Variants in DENND4A observed in about 807,000 individuals in gnomAD.
The protein encoded by DENND4A is DENN domain containing 4A, also known as C-myc promoter-binding protein.
In DENND4A, 70 loss-of-function variants were observed where a neutral mutation model predicts 199.3. The ratio of observed to expected loss-of-function variants is 0.35; its 90% CI spans 0.29 to 0.43. The LOEUF (loss-of-function observed/expected upper bound fraction) is 0.43. Among genes scored for constraint, DENND4A ranks in the 20% least tolerant of loss-of-function variants. The pLI is 1.00. For missense variants in DENND4A, 1,723 were observed against 2,255.8 expected, an observed-to-expected ratio of 0.76 and a Z score of 4.78; for synonymous variants, 686 against 766.9, an observed-to-expected ratio of 0.89 and a Z score of 1.74.
intron 3 of DENND4A, among the ~76,000 whole-genome samples, chr15:65,754,797 T>G (rs1278575281): frequency 6.6e-6 from 1 of 152,232 alleles, no homozygotes; most frequent in Non-Finnish European, 1.5e-5. Flanking sequence ...GGAACCCTCA[T>G]GTACCGCAAG....
chr15:65,702,099 CA>C (rs980164359), intron 17 of DENND4A, among the ~76,000 whole-genome samples: 20 of 152,056 alleles, frequency 1.3e-4, no homozygotes, highest in East Asian at 1.9e-4. Context: ...TCTGTCTCTA[CA>C]AAAAAATTAA....
intron 4 of DENND4A, among the ~76,000 whole-genome samples, chr15:65,750,556 T>C (rs1205999264): frequency 1.3e-5 from 2 of 152,194 alleles, no homozygotes; most frequent in Admixed American, 1.3e-4. Flanking sequence ...TTATTATATA[T>C]ACCCCACATA....
At chr15:65,684,073 G>T (rs2076671047) in intron 23 of DENND4A, among the ~76,000 whole-genome samples, 1 of 152,164 alleles carries the variant, frequency 6.6e-6, no homozygotes, top group African/African-American at 2.4e-5. Flanking sequence ...TCGTTCTTTT[G>T]TATTGCTCAA....
At position 65,715,370 on chromosome 15, in the gene DENND4A, G is replaced by T. The variant is rs2075367243; in HGVS notation, c.1953+108C>A. The T allele has an allele frequency of 2.7e-6, 3 of 1,126,298 alleles. No individual in the cohort carries two copies. The South Asian group carries it at 5.9e-5, about 22-fold the overall frequency. The allele number at this position is 1,126,298 out of a possible 1,614,324, so 69.8% of individuals were successfully genotyped here. Reference sequence around the variant, plus strand: ...CATTTAAGTGGTCAACGATGAAAATGAAATTAATTTCAATTTCATTAAAAG... The same window carrying T: ...CATTTAAGTGGTCAACGATGAAAATTAAATTAATTTCAATTTCATTAAAAG... On this transcript the variant is annotated intron_variant, in intron 14 of 32. Coordinates refer to ENST00000443035, the MANE Select transcript of DENND4A (RefSeq NM_001320835.1).
rs1466999474 is a variant in DENND4A at position 65,669,837 on chromosome 15, A to C, written c.4729T>G (p.Ser1577Ala). ...GCAGATGTGTCAAGACCAGAGGCTGATGTTGAAATGCAAGACTGCCTCGTC... is the reference window on the plus strand; with the variant it reads ...GCAGATGTGTCAAGACCAGAGGCTGCTGTTGAAATGCAAGACTGCCTCGTC... ...SQTRQSCIST[S>A]ASGLDTSALS... Residue 1577 changes from serine (S) to alanine (A), a missense_variant, in exon 27 of 33, where the codon TCA becomes GCA. By Grantham distance (99) the Ser-to-Ala change is moderately conservative (BLOSUM62 1). Transcript: ENST00000443035. The C allele has an allele frequency of 4.3e-6, 7 of 1,613,686 alleles. No individual in the cohort carries two copies. Among genetic ancestry groups the C allele is most frequent in the Non-Finnish European group, 5.9e-6 (7 of 1,179,724 alleles).
At chr15:65,789,239 T>G (rs1596724177) in intron 1 of DENND4A, among the ~76,000 whole-genome samples, 1 of 152,120 alleles carries the variant, frequency 6.6e-6, no homozygotes, top group African/African-American at 2.4e-5. Context: ...CAGGTTGGAG[T>G]GCAGTGGCAC....
At position 65,660,301 on chromosome 15, in the gene DENND4A, C is replaced by A; in HGVS notation, c.*1550G>T. The A allele has an allele frequency of 6.5e-7, 1 of 1,535,288 alleles. No individual in the cohort carries two copies. The highest frequency in any genetic ancestry group is 8.7e-7 in the Non-Finnish European group (1 of 1,146,546). ...CAGAGTTGGAAGCTGTGAAATGTTT[C>A]AGCATGGTGCTATTCACTAATGGTG... On this transcript the variant is annotated 3_prime_UTR_variant, in exon 33 of 33. Transcript: ENST00000443035.
intron 4 of DENND4A, among the ~76,000 whole-genome samples, chr15:65,748,621 CT>C (rs1217335173): frequency 1.6e-5 from 2 of 128,508 alleles, no homozygotes; most frequent in East Asian, 9.2e-4. Context: ...GATCCTGTCT[CT>C]AAAAAAAAAA....
chr15:65,780,895 A>G (rs2140963748), intron 1 of DENND4A, among the ~76,000 whole-genome samples: 1 of 152,320 alleles, frequency 6.6e-6, no homozygotes, highest in East Asian at 1.9e-4. Flanking sequence ...CTGCTTCTCC[A>G]ATACTATAGT....
chr15:65,689,034 A>C (rs2076885971), intron 23 of DENND4A, among the ~76,000 whole-genome samples: 1 of 152,206 alleles, frequency 6.6e-6, no homozygotes, highest in South Asian at 2.1e-4. Flanking sequence ...AGCACTTTAA[A>C]GATATCTTTC....
At chr15:65,680,844 AC>A (rs2076549246) in intron 23 of DENND4A, 1 of 152,236 alleles carries the variant, frequency 6.6e-6, no homozygotes, top group Admixed American at 6.5e-5. Flanking sequence ...TAAAAAATGC[AC>A]ATAAATTTTA....
At chr15:65,665,161 C>G (rs1425062825) in intron 30 of DENND4A, 184 bp downstream of exon 30, 3 of 502,736 alleles carry the variant, frequency 6.0e-6, no homozygotes, top group African/African-American at 2.0e-5. Flanking sequence ...ACCCTTAGAC[C>G]TCCATAGAAG....
intron 23 of DENND4A, among the ~76,000 whole-genome samples, chr15:65,685,918 G>A (rs1435521057): frequency 6.6e-6 from 1 of 152,230 alleles, no homozygotes; most frequent in Non-Finnish European, 1.5e-5. Context: ...GCACAGTCTT[G>A]ATAGCTGTAG....
At chr15:65,668,262 G>A in intron 27 of DENND4A, 139 bp from the exon 28 acceptor site, 1 of 636,048 alleles carries the variant, frequency 1.6e-6, no homozygotes, top group African/African-American at 1.9e-5. Flanking sequence ...AGGCTGGACT[G>A]CAGTGGTGTG....
intron 11 of DENND4A, among the ~76,000 whole-genome samples, chr15:65,727,282 C>T (rs1295427497): frequency 6.6e-6 from 1 of 151,806 alleles, no homozygotes; most frequent in Non-Finnish European, 1.5e-5. Flanking sequence ...GAAACCCCGT[C>T]TCTACTAAAA....
At chr15:65,778,535 C>T (rs1007614479) in intron 1 of DENND4A, among the ~76,000 whole-genome samples, 1 of 150,940 alleles carries the variant, frequency 6.6e-6, no homozygotes, top group South Asian at 2.1e-4. Flanking sequence ...GGTTCCACAT[C>T]ACTACGATAA....
At chr15:65,704,411 C>T (rs1393816456) in intron 15 of DENND4A, among the ~76,000 whole-genome samples, 1 of 152,180 alleles carries the variant, frequency 6.6e-6, no homozygotes, top group Admixed American at 6.5e-5. Flanking sequence ...TCTGTTCCAT[C>T]GCCCAAGCTG....
chr15:65,741,327 C>T (rs1207521561), intron 5 of DENND4A, among the ~76,000 whole-genome samples: 2 of 152,050 alleles, frequency 1.3e-5, no homozygotes, highest in African/African-American at 4.8e-5. Context: ...TTATAAAACT[C>T]CAAATTGGTT....
At chr15:65,734,545 GTTT>G (rs1339675287) in intron 7 of DENND4A, among the ~76,000 whole-genome samples, 2 of 152,046 alleles carry the variant, frequency 1.3e-5, no homozygotes, top group African/African-American at 4.8e-5. Context: ...TTGTCTCTGT[GTTT>G]TTTTCTTTTC....
Sources: allele counts gnomAD v4.1 joint callset (sites outside exome capture counted in the v4.1 genomes callset), GRCh38; gene constraint gnomAD v4.1.1; transcripts MANE v1.5; gene names NCBI Gene and HGNC (gene_info 2026-07-23, HGNC 2026-07-21).